The following NAV2 variants were observed in gnomAD, a reference collection of about 807,000 sequenced individuals.
The protein encoded by NAV2 is helicase, APC down-regulated 1.
A neutral mutation model predicts 223.2 loss-of-function variants in NAV2; 54 were observed. The observed-to-expected ratio is 0.24, with a 90% CI of 0.19 to 0.30. The LOEUF (loss-of-function observed/expected upper bound fraction) is 0.30. Among genes scored for constraint, NAV2 ranks in the 10% least tolerant of loss-of-function variants. The pLI is 1.00. For synonymous variants in NAV2, 1,279 were observed against 1,239.3 expected (o/e 1.03, Z -0.67); for missense variants, 2,806 against 3,147.5 (o/e 0.89, Z 2.60).
At chr11:19,364,867 A>T (rs16936606) in intron 1 of NAV2, among the ~76,000 whole-genome samples, 1 of 151,916 alleles carries the variant, frequency 6.6e-6, no homozygotes, top group East Asian at 1.9e-4. Flanking sequence ...AAAACTGTCA[A>T]CTCTTGTTAT....
At chr11:19,844,695 C>T (rs1439208754) in intron 3 of NAV2, among the ~76,000 whole-genome samples, 1 of 152,116 alleles carries the variant, frequency 6.6e-6, no homozygotes, top group African/African-American at 2.4e-5. Context: ...AATTTATTTC[C>T]ATATGCAAAT....
intron 1 of NAV2, among the ~76,000 whole-genome samples, chr11:19,666,245 C>G (rs956743694): frequency 7.2e-5 from 11 of 152,214 alleles, no homozygotes; most frequent in African/African-American, 2.7e-4. Flanking sequence ...ACCGGCCAGA[C>G]CAACCAGGAT....
chr11:19,346,441 G>T (rs1396327381), upstream of NAV2, among the ~76,000 whole-genome samples: 2 of 152,178 alleles, frequency 1.3e-5, no homozygotes, highest in African/African-American at 4.8e-5. Context: ...CGGGCGGCGG[G>T]CTAGGGCGCG....
chr11:19,899,761 A>C (rs1591142202), intron 6 of NAV2, among the ~76,000 whole-genome samples: 1 of 152,188 alleles, frequency 6.6e-6, no homozygotes, highest in African/African-American at 2.4e-5. Context: ...TTCCATTTCA[A>C]AATTTTTGCT....
At chr11:19,934,613 G>T (rs1230577729) in intron 7 of NAV2, among the ~76,000 whole-genome samples, 1 of 152,056 alleles carries the variant, frequency 6.6e-6, no homozygotes, top group African/African-American at 2.4e-5. Context: ...GGGTGGGGGC[G>T]GTTTGGTGTC....
chr11:20,049,981 G>C, intron 16 of NAV2, 80 bp downstream of exon 16: 2 of 1,401,178 alleles, frequency 1.4e-6, no homozygotes, highest in Non-Finnish European at 2.0e-6. Context: ...TGTCTTGTGC[G>C]AGGCTGTTGG....
intron 6 of NAV2, among the ~76,000 whole-genome samples, chr11:19,925,605 C>T (rs944990342): frequency 3.9e-5 from 6 of 151,998 alleles, no homozygotes; most frequent in South Asian, 2.1e-4. Context: ...AAAAATTAGC[C>T]GAGCGTGGTG....
chr11:19,937,380 G>A (rs913144446), intron 7 of NAV2, among the ~76,000 whole-genome samples: 2 of 142,750 alleles, frequency 1.4e-5, no homozygotes, highest in Non-Finnish European at 3.0e-5. Flanking sequence ...ACCTCTCCAT[G>A]TTAAAGTTGT....
At chr11:19,834,380 C>T (rs1028150337) in intron 2 of NAV2, among the ~76,000 whole-genome samples, 12 of 152,172 alleles carry the variant, frequency 7.9e-5, no homozygotes, top group African/African-American at 2.9e-4. Flanking sequence ...AGCTTCTGTT[C>T]TTTGCTCTGC....
chr11:19,399,361 C>T (rs894551984), intron 1 of NAV2, among the ~76,000 whole-genome samples: 6 of 152,212 alleles, frequency 3.9e-5, no homozygotes, highest in Non-Finnish European at 8.8e-5. Context: ...TCTCCCTGGG[C>T]AGTAATGCAG....
intron 8 of NAV2, among the ~76,000 whole-genome samples, chr11:19,944,958 TTTCCG>T (rs1337506380): frequency 2.0e-5 from 3 of 149,100 alleles, no homozygotes; most frequent in Admixed American, 2.0e-4. Flanking sequence ...TCCTCTTTCC[TTTCCG>T]TTCCGTTCCT....
At chr11:19,996,801 G>A (rs576167685) in intron 11 of NAV2, among the ~76,000 whole-genome samples, 36 of 152,220 alleles carry the variant, frequency 2.4e-4, no homozygotes, top group African/African-American at 7.5e-4. Context: ...AATCTGTGGC[G>A]CTCAGTACTG....
At chr11:19,836,104 C>A (rs1430018102) in intron 2 of NAV2, among the ~76,000 whole-genome samples, 1 of 152,174 alleles carries the variant, frequency 6.6e-6, no homozygotes, top group Non-Finnish European at 1.5e-5. Context: ...TTATTCACTA[C>A]CAGCCTGGGT....
chr11:19,945,115 C>CTCTT (rs201727696), intron 8 of NAV2, among the ~76,000 whole-genome samples: 3,467 of 129,462 alleles, frequency 0.027, 183 homozygotes, highest in African/African-American at 0.096. Flanking sequence ...TTCTTTTTTT[C>CTCTT]TCTTTCTTTC....
intron 3 of NAV2, among the ~76,000 whole-genome samples, chr11:19,849,142 C>G (rs2060971252): frequency 6.6e-6 from 1 of 152,202 alleles, no homozygotes; most frequent in South Asian, 2.1e-4. Context: ...ATATTTTGTA[C>G]ATGGGGACTG....
At chr11:20,100,382 C>T (rs940989587) in intron 31 of NAV2, among the ~76,000 whole-genome samples, 17 of 152,132 alleles carry the variant, frequency 1.1e-4, no homozygotes, top group Admixed American at 1.1e-3. Context: ...ATTTTTCCTC[C>T]TTTTAAAGAT....
At chr11:19,585,283 G>T (rs891354713) in intron 1 of NAV2, among the ~76,000 whole-genome samples, 1 of 152,148 alleles carries the variant, frequency 6.6e-6, no homozygotes, top group Non-Finnish European at 1.5e-5. Flanking sequence ...CTCTACCCGT[G>T]AGATGGGTTT....
chr11:19,596,159 T>C (rs2046202026), intron 1 of NAV2, among the ~76,000 whole-genome samples: 2 of 152,202 alleles, frequency 1.3e-5, no homozygotes, highest in South Asian at 4.1e-4. Context: ...AATGTTGATG[T>C]CATAAGGCTG....
chr11:19,770,238 AT>A (rs1334577724), intron 1 of NAV2, among the ~76,000 whole-genome samples: 1 of 133,374 alleles, frequency 7.5e-6, no homozygotes, highest in Middle Eastern at 3.6e-3. Context: ...TGTGGCAGGA[AT>A]TTTTTTTAAG....
Sources: allele counts gnomAD v4.1 joint callset (sites outside exome capture counted in the v4.1 genomes callset), GRCh38; gene constraint gnomAD v4.1.1; transcripts MANE v1.5; gene names NCBI Gene and HGNC (gene_info 2026-07-23, HGNC 2026-07-21).